Variants in HEBP2 observed in about 807,000 individuals in gnomAD.
The protein encoded by HEBP2 is heme-binding protein 2.
Under a neutral mutation model 23.1 loss-of-function variants are expected in HEBP2, and 27 were observed. The ratio of observed to expected loss-of-function variants is 1.17; its 90% CI spans 0.86 to 1.61. The LOEUF is 1.61. Ranked by LOEUF, HEBP2 falls within the 40% of genes most tolerant of loss-of-function variation. The probability of loss-of-function intolerance (pLI) is 0.00; values close to 1 mark genes in which losing one functional copy is unlikely to be tolerated. For synonymous variants in HEBP2, 99 were observed against 95.1 expected (o/e 1.04, Z -0.24); for missense variants, 245 against 253.8 (o/e 0.97, Z 0.24).
intron 3 of HEBP2, among the ~76,000 whole-genome samples, chr6:138,407,279 A>C (rs1475035080): frequency 1.3e-5 from 2 of 152,230 alleles, no homozygotes; most frequent in African/African-American, 4.8e-5. Context: ...CTGTGAAATC[A>C]AACATATTAT....
chr6:138,412,515 G>A lies in HEBP2; in HGVS notation c.420-365G>A, dbSNP rs540001470. ...GTCGCCCAGGCTGGAGTGCAGTGGCGTGATCTTGGCTCACTGCAACCTCCA... is the reference window on the plus strand; with the variant it reads ...GTCGCCCAGGCTGGAGTGCAGTGGCATGATCTTGGCTCACTGCAACCTCCA... On this transcript the variant is annotated intron_variant, in intron 3 of 3. Coordinates refer to ENST00000607197, the MANE Select transcript of HEBP2 (RefSeq NM_014320.3). 1.5e-4 allele frequency among the ~76,000 whole-genome samples: 23 copies of A among 152,190 alleles called. 1 individual carries two copies. In the South Asian group the frequency reaches 3.9e-3, roughly 26 times the overall value.
At chr6:138,408,484 C>G (rs781159501) in intron 3 of HEBP2, among the ~76,000 whole-genome samples, 2 of 152,118 alleles carry the variant, frequency 1.3e-5, no homozygotes, top group African/African-American at 4.8e-5. Flanking sequence ...CATTTCCATC[C>G]GAGACCTTAT....
rs1774592661 is a variant in HEBP2 at position 138,404,311 on chromosome 6, G to C, written c.-185G>C. On this transcript the variant is annotated 5_prime_UTR_variant, in exon 1 of 4. Coordinates refer to ENST00000607197, the MANE Select transcript of HEBP2 (RefSeq NM_014320.3). ...GAGCCGGCCCCGCCTTGGTGGCGGC[G>C]CCCCCTCGCGGTCCAGAGGCAGACG... is the stretch of plus-strand genomic sequence containing the variant. 2.9e-6 allele frequency: 1 copy of C among 348,424 alleles called. No individual in the cohort carries two copies. The highest frequency in any genetic ancestry group is 2.1e-5 in the African/African-American group (1 of 46,546). The allele number at this position is 348,424 out of a possible 1,614,324, so 21.6% of individuals were successfully genotyped here. A position where few individuals can be genotyped will look rare whatever the true frequency, so the allele number is the denominator to read the frequency against.
At position 138,404,527 on chromosome 6, in the gene HEBP2, C is replaced by A. The variant is rs1275493444; in HGVS notation, c.32C>A (p.Ala11Glu). ...GAGCCGCTCCAGCCAGACCCCGGGG[C>A]GGCCGAGGACGCGGCGGCCCAAGCT... MAEPLQPDPGAAEDAAAQAVE... is the reference protein window; with the variant it reads MAEPLQPDPGEAEDAAAQAVE... Residue 11 changes from alanine to glutamate, a missense_variant, in exon 1 of 4, where the codon GCG becomes GAG. By Grantham distance (107) the Ala-to-Glu change is moderately radical. Coordinates refer to ENST00000607197, the MANE Select transcript of HEBP2 (RefSeq NM_014320.3). 2 of 1,314,242 alleles carry A rather than the reference C, an allele frequency of 1.5e-6. No homozygotes were observed. Among genetic ancestry groups the A allele is most frequent in the Admixed American group, 3.7e-5 (1 of 27,196 alleles). The allele number at this position is 1,314,242 out of a possible 1,614,324, so 81.4% of individuals were successfully genotyped here.
chr6:138,419,987 A>C lies in HEBP2; in HGVS notation c.*6909A>C, dbSNP rs1774894262. 6.6e-6 allele frequency: 1 copy of C among 152,302 alleles called. No homozygotes were observed. Among genetic ancestry groups the C allele is most frequent in the African/African-American group, 2.4e-5 (1 of 41,464 alleles). The allele number at this position is 152,302 out of a possible 1,614,324, so 9.4% of individuals were successfully genotyped here. On this transcript the variant is annotated 3_prime_UTR_variant, in exon 4 of 4. Coordinates refer to ENST00000607197, the MANE Select transcript of HEBP2 (RefSeq NM_014320.3). ...ATCTAGTCAAGGGTAATTGACCCTG[A>C]ACTGCAGGAGGAGGCAAGCCTGCTG... is the stretch of plus-strand genomic sequence containing the variant.
rs997698884 is a variant in HEBP2 at position 138,420,866 on chromosome 6, T to A, written c.*7788T>A. The stretch of plus-strand genomic sequence containing the variant: ...TGTCTACTTCTTGAAGAATCTAAAC[T>A]GGCAGTAGGATCATGCCCCTCACTG... On this transcript the variant is annotated 3_prime_UTR_variant, in exon 4 of 4. Transcript: ENST00000607197. 1 of 152,234 alleles carries A rather than the reference T, an allele frequency of 6.6e-6. No individual in the cohort carries two copies. Among genetic ancestry groups the A allele is most frequent in the Non-Finnish European group, 1.5e-5 (1 of 68,044 alleles). The allele number at this position is 152,234 out of a possible 1,614,324, so 9.4% of individuals were successfully genotyped here. A position where few individuals can be genotyped will look rare whatever the true frequency, so the allele number is the denominator to read the frequency against.
intron 3 of HEBP2, chr6:138,412,195 G>A (rs745676104): frequency 2.2e-5 from 8 of 366,344 alleles, no homozygotes; most frequent in African/African-American, 4.4e-5. Flanking sequence ...GTGGGAGCTC[G>A]GAGGAAATAC....
chr6:138,403,584 G>A (rs1359604944), upstream of HEBP2: 4 of 461,300 alleles, frequency 8.7e-6, no homozygotes, highest in South Asian at 3.7e-5. Flanking sequence ...TCTGGGGGGC[G>A]CCGGAGCCGT....
rs1774782288 is a variant in HEBP2, at chr6:138,413,192, T to C, written c.*114T>C. ...TGTCTTCTATTGAGAGTACTACTAT[T>C]AATTAAGCTTATTTCCAATGTGCCT... On this transcript the variant is annotated 3_prime_UTR_variant, in exon 4 of 4. Transcript: ENST00000607197. 3 of 752,316 alleles carry C rather than the reference T, an allele frequency of 4.0e-6. No individual in the cohort carries two copies. The highest frequency in any genetic ancestry group is 6.6e-6 in the Non-Finnish European group (3 of 456,374). 46.6% of individuals were successfully genotyped at this position (752,316 alleles called of 1,614,324 possible).
chr6:138,404,261 T>A lies in HEBP2; in HGVS notation c.-235T>A, dbSNP rs927128942. ...GAGGGGCGGGGGCAGGACGCGCAAC[T>A]CCGGCCGGAGCTGTCCGGGGTCGTG... On this transcript the variant is annotated 5_prime_UTR_variant, in exon 1 of 4. Coordinates refer to ENST00000607197, the MANE Select transcript of HEBP2 (RefSeq NM_014320.3). 49 of 320,318 alleles carry A rather than the reference T, an allele frequency of 1.5e-4. No homozygotes were observed. Among genetic ancestry groups the A allele is most frequent in the African/African-American group, 1.1e-3 (49 of 45,806 alleles). 19.8% of individuals were successfully genotyped at this position (320,318 alleles called of 1,614,324 possible). A position where few individuals can be genotyped will look rare whatever the true frequency, so the allele number is the denominator to read the frequency against.
upstream of HEBP2, among the ~76,000 whole-genome samples, chr6:138,403,977 G>A (rs918607143): frequency 6.7e-6 from 1 of 150,244 alleles, no homozygotes; most frequent in South Asian, 2.1e-4. Context: ...CGCGGGGGTC[G>A]GGTCGCCAGC....
At chr6:138,407,964 C>A (rs1774678819) in intron 3 of HEBP2, among the ~76,000 whole-genome samples, 1 of 152,206 alleles carries the variant, frequency 6.6e-6, no homozygotes, top group Non-Finnish European at 1.5e-5. Context: ...TTCCAAGGCC[C>A]CCCAGGTGCC....
Position 138,419,756 on chromosome 6 carries a change from C to G in HEBP2, c.*6678C>G, listed in dbSNP as rs1229898705. On this transcript the variant is annotated 3_prime_UTR_variant, in exon 4 of 4. Coordinates refer to ENST00000607197, the MANE Select transcript of HEBP2 (RefSeq NM_014320.3). ...AGGAGTGGAGGCAGGAGTGACCCCA[C>G]TTACCATCGCACCCAACGAACCACT... 4 of 152,352 alleles carry G rather than the reference C, an allele frequency of 2.6e-5. No homozygotes were observed. The East Asian group carries it at 7.7e-4, about 29-fold the overall frequency. The allele number at this position is 152,352 out of a possible 1,614,324, so 9.4% of individuals were successfully genotyped here.
At position 138,415,271 on chromosome 6, in the gene HEBP2, C is replaced by G. The variant is rs1032951841; in HGVS notation, c.*2193C>G. ...ATTGGCACAATTGGTACCAGTGGCC[C>G]ACGAACGTAGGTGGTAAGACAGCAT... On this transcript the variant is annotated 3_prime_UTR_variant, in exon 4 of 4. Coordinates refer to ENST00000607197, the MANE Select transcript of HEBP2 (RefSeq NM_014320.3). 6.9e-4 allele frequency: 105 copies of G among 152,248 alleles called. No individual in the cohort carries two copies. The highest frequency in any genetic ancestry group is 2.3e-3 in the African/African-American group (97 of 41,526). The allele number at this position is 152,248 out of a possible 1,614,324, so 9.4% of individuals were successfully genotyped here. A position where few individuals can be genotyped will look rare whatever the true frequency, so the allele number is the denominator to read the frequency against.
chr6:138,419,079 GA>G lies in HEBP2; in HGVS notation c.*6002del, dbSNP rs1478282553. 6.6e-6 allele frequency: 1 copy of G among 152,008 alleles called. No homozygotes were observed. The highest frequency in any genetic ancestry group is 6.6e-5 in the Admixed American group (1 of 15,240). The allele number at this position is 152,008 out of a possible 1,614,324, so 9.4% of individuals were successfully genotyped here. On this transcript the variant is annotated 3_prime_UTR_variant, in exon 4 of 4. Transcript: ENST00000607197. The stretch of plus-strand genomic sequence containing the variant: ...CACTAAACAACCAAGTAGATGAAAT[GA>G]CTTAGCCTGTTCTATTAGCTTTTGC...
Position 138,405,145 on chromosome 6 carries a change from C to T in HEBP2, c.103C>T (p.Pro35Ser), listed in dbSNP as rs1164067727. The change falls in exon 2 of 4, where the codon CCC becomes TCC. Residue 35 changes from proline (P) to serine (S), a missense_variant and splice_region_variant. Transcript: ENST00000607197. Reference sequence around the variant, plus strand: ...CGAAGTTTTCTCTGTTCCACTTTAGCCCGGAAGTTATGAGATCCGACACTA... The same window carrying T: ...CGAAGTTTTCTCTGTTCCACTTTAGTCCGGAAGTTATGAGATCCGACACTA... ...WKAPEDAGPQ[P>S]GSYEIRHYGP... The T allele has an allele frequency of 1.2e-6, 2 of 1,609,676 alleles. No individual in the cohort carries two copies. The highest frequency in any genetic ancestry group is 2.2e-5 in the South Asian group (2 of 90,060).
chr6:138,405,271 A>C lies in HEBP2; in HGVS notation c.229A>C (p.Asn77His). ...ACTGAACAGCTACATTCAAGGCAAA[A>C]ACGAGAAAGGTAAAAGCAGTTTTCC... ...TKLNSYIQGKNEKEMKIKMTA... is the reference protein window; with the variant it reads ...TKLNSYIQGKHEKEMKIKMTA... The change falls in exon 2 of 4, where the codon AAC (asparagine) becomes CAC (histidine). Residue 77 changes from asparagine to histidine, a missense_variant. By Grantham distance (68) the Asn-to-His change is moderately conservative. Coordinates refer to ENST00000607197, the MANE Select transcript of HEBP2 (RefSeq NM_014320.3). 1 of 1,614,160 alleles carries C rather than the reference A, an allele frequency of 6.2e-7. No individual in the cohort carries two copies. The highest frequency in any genetic ancestry group is 8.5e-7 in the Non-Finnish European group (1 of 1,180,026).
chr6:138,407,724 C>T (rs572153019), intron 3 of HEBP2, among the ~76,000 whole-genome samples: 4 of 152,226 alleles, frequency 2.6e-5, no homozygotes, highest in Non-Finnish European at 5.9e-5. Flanking sequence ...ACCCAAGGCC[C>T]TGGGCAGCTC....
chr6:138,404,445 G>A lies in HEBP2; in HGVS notation c.-51G>A. 1.0e-5 allele frequency: 12 copies of A among 1,179,088 alleles called. No individual in the cohort carries two copies. Among genetic ancestry groups the A allele is most frequent in the Non-Finnish European group, 1.2e-5 (11 of 940,364 alleles). The allele number at this position is 1,179,088 out of a possible 1,614,324, so 73.0% of individuals were successfully genotyped here. ...GCACACGCAGGCGGGGCGGCCCGGG[G>A]TGCGGGGCCTCTGCGCGGCTGACCA... On this transcript the variant is annotated 5_prime_UTR_variant, in exon 1 of 4. The change creates a new upstream start codon in the 5' untranslated region. Transcript: ENST00000607197.
Sources: allele counts gnomAD v4.1 joint callset (sites outside exome capture counted in the v4.1 genomes callset), GRCh38; gene constraint gnomAD v4.1.1; transcripts MANE v1.5; gene names NCBI Gene and HGNC (gene_info 2026-07-23, HGNC 2026-07-21).